The following GABRA3 variants were observed in gnomAD, a reference collection of about 807,000 sequenced individuals.
The protein encoded by GABRA3 is gamma-aminobutyric acid type A receptor subunit alpha3, also known as gamma-aminobutyric acid receptor subunit alpha-3.
Under a neutral mutation model 30.1 loss-of-function variants are expected in GABRA3, and 10 were observed. The observed-to-expected ratio is 0.33, with a 90% CI of 0.20 to 0.56. The LOEUF (loss-of-function observed/expected upper bound fraction) is 0.56. Among genes scored for constraint, GABRA3 ranks in the 20% least tolerant of loss-of-function variants. GABRA3 has a pLI of 0.89. For synonymous variants in GABRA3, 151 were observed against 146.8 expected, an observed-to-expected ratio of 1.03 and a Z score of -0.21; for missense variants, 233 against 392.0, an observed-to-expected ratio of 0.59 and a Z score of 3.42.
chrX:152,200,256 G>C (rs1302237503), intron 7 of GABRA3, among the ~76,000 whole-genome samples: 1 of 111,216 alleles, frequency 9.0e-6, no homozygotes, highest in Admixed American at 9.6e-5. Context: ...ACCCACATTT[G>C]GTTTTGGCAG....
chrX:152,213,732 G>T (rs1283650518), intron 6 of GABRA3, among the ~76,000 whole-genome samples: 6 of 111,486 alleles, frequency 5.4e-5, no homozygotes, highest in African/African-American at 2.0e-4. Context: ...TATAAACCAA[G>T]ATAGAGATCA....
chrX:152,345,479 C>T, intron 3 of GABRA3, 102 bp downstream of exon 3: 4 of 894,441 alleles, frequency 4.5e-6, no homozygotes, highest in Non-Finnish European at 6.2e-6. Context: ...ACACTAATCT[C>T]ATTGGCCAAT....
chrX:152,286,677 G>A (rs769746164), intron 3 of GABRA3, among the ~76,000 whole-genome samples: 2 of 111,160 alleles, frequency 1.8e-5, no homozygotes, highest in Non-Finnish European at 3.8e-5. Flanking sequence ...CATTCCTTAG[G>A]CTTAATATAT....
chrX:152,301,907 C>G (rs1047220112), intron 3 of GABRA3, among the ~76,000 whole-genome samples: 1 of 110,930 alleles, frequency 9.0e-6, no homozygotes, highest in African/African-American at 3.3e-5. Context: ...GTAAACTGAC[C>G]TATTTGGTTG....
chrX:152,340,084 C>T (rs1372698403), intron 3 of GABRA3, among the ~76,000 whole-genome samples: 4 of 111,810 alleles, frequency 3.6e-5, no homozygotes, highest in Non-Finnish European at 7.5e-5. Flanking sequence ...TTTGTTTCTT[C>T]TATTCTTTGT....
intron 3 of GABRA3, among the ~76,000 whole-genome samples, chrX:152,289,712 T>A: frequency 9.4e-6 from 1 of 106,320 alleles, no homozygotes; most frequent in South Asian, 4.5e-4. Flanking sequence ...TTCCCTGCCC[T>A]GTGTCCAGGT....
intron 1 of GABRA3, among the ~76,000 whole-genome samples, chrX:152,415,658 G>A (rs10218364): frequency 0.22 from 24,737 of 110,282 alleles, 2,262 homozygotes; most frequent in Admixed American, 0.34. Context: ...TAATATTAAT[G>A]AAGTCTATGG....
intron 5 of GABRA3, among the ~76,000 whole-genome samples, chrX:152,251,389 C>T (rs972352697): frequency 2.7e-5 from 3 of 109,571 alleles, no homozygotes; most frequent in African/African-American, 6.6e-5. Flanking sequence ...ATATTCCCAT[C>T]CTCTCTCCTT....
intron 2 of GABRA3, among the ~76,000 whole-genome samples, chrX:152,355,313 G>T (rs906947456): frequency 1.8e-5 from 2 of 111,405 alleles, no homozygotes; most frequent in Non-Finnish European, 3.8e-5. Flanking sequence ...TCTCCACCCC[G>T]TTCTCCTTTC....
intron 1 of GABRA3, among the ~76,000 whole-genome samples, chrX:152,418,685 G>T (rs1426873612): frequency 1.8e-5 from 2 of 111,455 alleles, no homozygotes; most frequent in African/African-American, 3.3e-5. Flanking sequence ...AAAAATCAAT[G>T]AAATAAAAAA....
At chrX:152,353,982 TA>T (rs1940514455) in intron 2 of GABRA3, among the ~76,000 whole-genome samples, 1 of 111,811 alleles carries the variant, frequency 8.9e-6, no homozygotes, top group Non-Finnish European at 1.9e-5. Context: ...TTACATTTCT[TA>T]TTTCTCCAGG....
intron 3 of GABRA3, among the ~76,000 whole-genome samples, chrX:152,304,955 C>A (rs1939698494): frequency 9.0e-6 from 1 of 111,696 alleles, no homozygotes; most frequent in African/African-American, 3.3e-5. Flanking sequence ...AAATATTATT[C>A]CATTTATTTG....
chrX:152,442,319 T>C (rs752266086), intron 1 of GABRA3, among the ~76,000 whole-genome samples: 1 of 111,104 alleles, frequency 9.0e-6, no homozygotes, highest in South Asian at 3.8e-4. Flanking sequence ...CTGAGTAGTA[T>C]ATATGTGGTT....
At chrX:152,363,906 G>T (rs1295525432) in intron 2 of GABRA3, among the ~76,000 whole-genome samples, 1 of 111,763 alleles carries the variant, frequency 8.9e-6, no homozygotes, top group Non-Finnish European at 1.9e-5. Context: ...GGCCATCTTG[G>T]CTGCAGAAGT....
chrX:152,269,098 GAAATACCT>G (rs1938880716), intron 4 of GABRA3, among the ~76,000 whole-genome samples: 1 of 111,452 alleles, frequency 9.0e-6, no homozygotes, highest in Non-Finnish European at 1.9e-5. Flanking sequence ...CTTATACCTA[GAAATACCT>G]AAAGACTCCA....
At chrX:152,272,149 G>T (rs1189118024) in intron 4 of GABRA3, among the ~76,000 whole-genome samples, 4 of 111,588 alleles carry the variant, frequency 3.6e-5, no homozygotes, top group African/African-American at 1.3e-4. Context: ...ACCCCAGAAT[G>T]GTAGATCCAT....
At chrX:152,281,670 C>T (rs1569381348) in intron 4 of GABRA3, among the ~76,000 whole-genome samples, 2 of 112,096 alleles carry the variant, frequency 1.8e-5, no homozygotes, top group African/African-American at 3.2e-5. Flanking sequence ...GTAGCTGAAG[C>T]TTGGAATCAT....
intron 1 of GABRA3, among the ~76,000 whole-genome samples, chrX:152,370,021 T>C (rs989405951): frequency 5.4e-5 from 6 of 111,492 alleles, no homozygotes; most frequent in Non-Finnish European, 1.1e-4. Flanking sequence ...TTTAATGACC[T>C]ACTTCTTCAA....
intron 7 of GABRA3, among the ~76,000 whole-genome samples, chrX:152,200,727 T>C (rs1937472783): frequency 8.9e-6 from 1 of 111,932 alleles, no homozygotes; most frequent in Admixed American, 9.5e-5. Flanking sequence ...ATTTAATATA[T>C]AAAAGATGTA....
Sources: gnomAD v4.1 joint callset for allele counts (sites outside exome capture counted in the v4.1 genomes callset) on GRCh38, gnomAD v4.1.1 for gene constraint, MANE v1.5 for transcripts, NCBI Gene and HGNC (gene_info 2026-07-23, HGNC 2026-07-21) for gene names.